PXMP2: variants seen among roughly 807,000 people sequenced by gnomAD.
PXMP2 encodes the protein 22 kDa peroxisomal membrane protein.
In PXMP2, 13 loss-of-function variants were observed where a neutral mutation model predicts 20.2. That is an observed-to-expected ratio of 0.64 (90% CI 0.42 to 1.02). The LOEUF (loss-of-function observed/expected upper bound fraction) is 1.02, where lower values mean the gene tolerates loss of function less well. Among genes scored for constraint, PXMP2 ranks in the 50% least tolerant of loss-of-function variants. PXMP2 has a pLI of 0.00. For missense variants in PXMP2, 284 were observed against 251.8 expected (o/e 1.13, Z -0.87); for synonymous variants, 113 against 111.2 (o/e 1.02, Z -0.10).
At chr12:132,693,780 TGCC>T (rs2043388813) in intron 2 of PXMP2, among the ~76,000 whole-genome samples, 1 of 94,402 alleles carries the variant, frequency 1.1e-5, no homozygotes. Flanking sequence ...TGAGCGCCCT[TGCC>T]AGTTAGTTAG....
chr12:132,697,705 C>T (rs951522129), intron 3 of PXMP2, among the ~76,000 whole-genome samples: 1 of 151,980 alleles, frequency 6.6e-6, no homozygotes, highest in Admixed American at 6.6e-5. Flanking sequence ...TGCGCCCAGC[C>T]GTATTTTATT....
Position 132,695,326 on chromosome 12 carries a change from C to T in PXMP2, c.237-558C>T, listed in dbSNP as rs1473316729. ...CCAGTTTGTTAGCCTAGTGAGTGCCCTTGCCAGTTAACCTAGTGAGTTCCC... is the reference window on the plus strand; with the variant it reads ...CCAGTTTGTTAGCCTAGTGAGTGCCTTTGCCAGTTAACCTAGTGAGTTCCC... On this transcript the variant is annotated intron_variant, in intron 2 of 4. Coordinates refer to ENST00000317479, the MANE Select transcript of PXMP2 (RefSeq NM_018663.3). Among the ~76,000 whole-genome samples the T allele has an allele frequency of 2.6e-5, 4 of 151,850 alleles. No homozygotes were observed. In the South Asian group the frequency reaches 8.3e-4, roughly 31 times the overall value.
At chr12:132,698,103 TG>T (rs2043420215) in intron 3 of PXMP2, among the ~76,000 whole-genome samples, 1 of 151,654 alleles carries the variant, frequency 6.6e-6, no homozygotes, top group Non-Finnish European at 1.5e-5. Context: ...CTTCGCCTCT[TG>T]GGTTCAAGCA....
chr12:132,700,544 G>A (rs2043433336), intron 3 of PXMP2, among the ~76,000 whole-genome samples: 5 of 152,096 alleles, frequency 3.3e-5, no homozygotes, highest in African/African-American at 1.2e-4. Flanking sequence ...TTCTTGTTGA[G>A]TTGTGTAAGT....
intron 2 of PXMP2, among the ~76,000 whole-genome samples, chr12:132,693,750 T>A (rs1283239586): frequency 0.086 from 6,294 of 72,880 alleles, 203 homozygotes; most frequent in Non-Finnish European, 0.14. Context: ...GTTAGTGAGC[T>A]CCCTTAGCCA....
At position 132,687,665 on chromosome 12, in the gene PXMP2, G is replaced by C; in HGVS notation, c.-6G>C. On this transcript the variant is annotated 5_prime_UTR_variant, in exon 1 of 5. Transcript: ENST00000317479. ...GTGCCCCCGGCGGCACGGCGCTGGG[G>C]AGGCGATGGCGCCGGCCGCGTCCAG... 8.6e-7 allele frequency: 1 copy of C among 1,168,720 alleles called. No individual in the cohort carries two copies. The highest frequency in any genetic ancestry group is 1.1e-6 in the Non-Finnish European group (1 of 951,440). 72.4% of individuals were successfully genotyped at this position (1,168,720 alleles called of 1,614,324 possible).
chr12:132,698,426 A>C (rs1022164847), intron 3 of PXMP2, among the ~76,000 whole-genome samples: 6 of 152,240 alleles, frequency 3.9e-5, no homozygotes, highest in African/African-American at 1.4e-4. Context: ...CCTTACAGGA[A>C]GATAATAGAA....
rs1346482174 is a variant in PXMP2 at position 132,704,949 on chromosome 12, A to G, written c.*262A>G. 10 of 546,770 alleles carry G rather than the reference A, an allele frequency of 1.8e-5. No individual in the cohort carries two copies. The East Asian group carries it at 2.2e-4, about 12-fold the overall frequency. The allele number at this position is 546,770 out of a possible 1,614,324, so 33.9% of individuals were successfully genotyped here. A position where few individuals can be genotyped will look rare whatever the true frequency, so the allele number is the denominator to read the frequency against. On this transcript the variant is annotated 3_prime_UTR_variant, in exon 5 of 5. Transcript: ENST00000317479. Reference sequence around the variant, plus strand: ...AGTTTCAATTGTTACTGTGGACCGAATTAGGATCACAATAAACGATAATGC... The same window carrying G: ...AGTTTCAATTGTTACTGTGGACCGAGTTAGGATCACAATAAACGATAATGC...
At chr12:132,700,029 A>G (rs1319098906) in intron 3 of PXMP2, among the ~76,000 whole-genome samples, 1 of 141,408 alleles carries the variant, frequency 7.1e-6, no homozygotes, top group Non-Finnish European at 1.5e-5. Context: ...GCCAGCATCT[A>G]TTGTTTTTTG....
In PXMP2 at chr12:132,701,330, G is replaced by C. The variant is rs145917251; in HGVS notation, c.480G>C (p.Thr160=). The C allele has an allele frequency of 1.2e-6, 2 of 1,612,926 alleles. No individual in the cohort carries two copies. The highest frequency in any genetic ancestry group is 2.2e-5 in the South Asian group (2 of 91,052). ...TGAGGATGAACTGGCGGGTGTGGAC[G>C]CCACTACAGTTCATCAACATCAACT... is the stretch of plus-strand genomic sequence containing the variant. ...PALRMNWRVW[T]PLQFININYV... The change falls in exon 4 of 5, where the codon ACG becomes ACC. Residue 160 remains threonine (T), a synonymous_variant. Transcript: ENST00000317479.
chr12:132,691,051 ATT>A (rs35869908), intron 2 of PXMP2, among the ~76,000 whole-genome samples: 11,034 of 133,716 alleles, frequency 0.083, 479 homozygotes, highest in Non-Finnish European at 0.11. Flanking sequence ...TGTTATTTTA[ATT>A]TTTTTTTTTT....
intron 2 of PXMP2, among the ~76,000 whole-genome samples, chr12:132,692,626 T>C (rs2043377175): frequency 1.5e-5 from 2 of 137,374 alleles, no homozygotes; most frequent in African/African-American, 6.0e-5. Flanking sequence ...CTTAGCCAGT[T>C]AGATAGTGAG....
At chr12:132,689,119 G>C (rs2043346718) in intron 1 of PXMP2, among the ~76,000 whole-genome samples, 1 of 121,308 alleles carries the variant, frequency 8.2e-6, no homozygotes, top group Non-Finnish European at 1.7e-5. Flanking sequence ...CAGGGCCAAG[G>C]GAGCGGGTCT....
At chr12:132,691,686 T>C (rs1029101301) in intron 2 of PXMP2, among the ~76,000 whole-genome samples, 15 of 152,180 alleles carry the variant, frequency 9.9e-5, no homozygotes, top group Non-Finnish European at 1.8e-4. Flanking sequence ...AGTACAGTTT[T>C]CCCATCCACA....
intron 1 of PXMP2, 43 bp from the exon 2 acceptor site, chr12:132,690,220 C>T (rs755225567): frequency 6.6e-7 from 1 of 1,512,418 alleles, no homozygotes; most frequent in East Asian, 2.3e-5. Context: ...GGGACACCCT[C>T]CTGCTGGTCA....
At chr12:132,703,519 AGAGAG>A (rs1324933134) in intron 4 of PXMP2, among the ~76,000 whole-genome samples, 1 of 152,110 alleles carries the variant, frequency 6.6e-6, no homozygotes, top group Non-Finnish European at 1.5e-5. Flanking sequence ...CTCTGTGATG[AGAGAG>A]GAGAGAGAAA....
chr12:132,703,476 C>T (rs1458348320), intron 4 of PXMP2, among the ~76,000 whole-genome samples: 2 of 152,148 alleles, frequency 1.3e-5, no homozygotes, highest in Non-Finnish European at 1.5e-5. Context: ...GCCCCCAGCA[C>T]ACTCACAGTG....
In PXMP2 at chr12:132,687,783, C is replaced by T. The variant is rs1302891733; in HGVS notation, c.113C>T (p.Ala38Val). The T allele has an allele frequency of 1.4e-5, 16 of 1,170,722 alleles. No individual in the cohort carries two copies. In the South Asian group the frequency reaches 5.5e-4, roughly 40 times the overall value. The allele number at this position is 1,170,722 out of a possible 1,614,324, so 72.5% of individuals were successfully genotyped here. ...FLRLYPVLTK[A>V]ATSGILSALG... Reference sequence around the variant, plus strand: ...CGGCTCTACCCGGTGCTCACCAAGGCGGCCACCAGGTGAGCGGGGGCGCGG... The same window carrying T: ...CGGCTCTACCCGGTGCTCACCAAGGTGGCCACCAGGTGAGCGGGGGCGCGG... The change falls in exon 1 of 5, where the codon GCG (alanine) becomes GTG (valine). Residue 38 changes from alanine (A) to valine (V), a missense_variant. Physicochemically the swap from Ala to Val is moderately conservative, Grantham distance 64. Coordinates refer to ENST00000317479, the MANE Select transcript of PXMP2 (RefSeq NM_018663.3).
chr12:132,698,845 T>G (rs1054430004), intron 3 of PXMP2, among the ~76,000 whole-genome samples: 1 of 152,210 alleles, frequency 6.6e-6, no homozygotes, highest in Admixed American at 6.5e-5. Flanking sequence ...CAGGCTGGTC[T>G]TGAACTCCTG....
Sources: gnomAD v4.1 joint callset for allele counts (sites outside exome capture counted in the v4.1 genomes callset) on GRCh38, gnomAD v4.1.1 for gene constraint, MANE v1.5 for transcripts, NCBI Gene and HGNC (gene_info 2026-07-23, HGNC 2026-07-21) for gene names.